The following CNIH3 variants were observed in gnomAD, a reference collection of about 807,000 sequenced individuals.
The protein encoded by CNIH3 is cornichon family AMPA receptor auxiliary protein 3.
Under a neutral mutation model 24.1 loss-of-function variants are expected in CNIH3, and 14 were observed. That is an observed-to-expected ratio of 0.58 (90% CI 0.38 to 0.91). The LOEUF (loss-of-function observed/expected upper bound fraction) is 0.91. Ranked by LOEUF, CNIH3 falls within the 40% of genes least tolerant of loss-of-function variation. The pLI, the probability that CNIH3 is intolerant of heterozygous loss-of-function variation, is 0.00. For synonymous variants in CNIH3, 68 were observed against 73.8 expected, an observed-to-expected ratio of 0.92 and a Z score of 0.40; for missense variants, 178 against 196.8, an observed-to-expected ratio of 0.90 and a Z score of 0.57.
chr1:224,636,015 A>T (rs900005375), intron 1 of CNIH3, among the ~76,000 whole-genome samples: 43 of 152,162 alleles, frequency 2.8e-4, no homozygotes, highest in African/African-American at 9.9e-4. Flanking sequence ...TTTTATATCA[A>T]AATACCAAGT....
At chr1:224,630,260 T>TGAG (rs1318354921) in intron 1 of CNIH3, among the ~76,000 whole-genome samples, 2 of 152,142 alleles carry the variant, frequency 1.3e-5, no homozygotes, top group African/African-American at 4.8e-5. Flanking sequence ...CATCTGTGGT[T>TGAG]GAGGAGGAGA....
intron 2 of CNIH3, among the ~76,000 whole-genome samples, chr1:224,544,714 G>A (rs1300299056): frequency 1.3e-5 from 2 of 152,166 alleles, no homozygotes; most frequent in Admixed American, 1.3e-4. Context: ...GACTGCCCAA[G>A]GAGGAACTCA....
intron 1 of CNIH3, among the ~76,000 whole-genome samples, chr1:224,642,353 C>T (rs1175743669): frequency 6.6e-6 from 1 of 152,172 alleles, no homozygotes; most frequent in African/African-American, 2.4e-5. Flanking sequence ...GCCTCAGCCT[C>T]CTGAAAGCTG....
intron 3 of CNIH3, among the ~76,000 whole-genome samples, chr1:224,696,916 T>C (rs1415497377): frequency 6.6e-6 from 1 of 152,166 alleles, no homozygotes; most frequent in Non-Finnish European, 1.5e-5. Flanking sequence ...TATATGATAG[T>C]TGCCTGGACA....
At chr1:224,665,649 C>T (rs1475434049) in intron 1 of CNIH3, among the ~76,000 whole-genome samples, 3 of 152,170 alleles carry the variant, frequency 2.0e-5, no homozygotes, top group African/African-American at 7.2e-5. Context: ...GCATTCTTTG[C>T]ATCTACTTAT....
chr1:224,648,413 GAAAAAA>G (rs565178820), intron 1 of CNIH3, among the ~76,000 whole-genome samples: 1 of 110,742 alleles, frequency 9.0e-6, no homozygotes. Flanking sequence ...TCTGTCTCAG[GAAAAAA>G]AAAAAAAAAA....
intron 1 of CNIH3, among the ~76,000 whole-genome samples, chr1:224,679,348 A>C (rs1401743111): frequency 6.6e-6 from 1 of 152,144 alleles, no homozygotes. Flanking sequence ...TCAAAACAAA[A>C]ACAAAAACAA....
At chr1:224,592,184 A>G (rs1006870456), downstream of CNIH3, among the ~76,000 whole-genome samples, 6 of 152,074 alleles carry the variant, frequency 3.9e-5, no homozygotes, top group Admixed American at 2.0e-4. Context: ...GTGTGCATAC[A>G]TATATGTGCA....
intron 1 of CNIH3, among the ~76,000 whole-genome samples, chr1:224,455,973 G>C (rs1293745131): frequency 1.3e-5 from 2 of 152,178 alleles, no homozygotes; most frequent in Non-Finnish European, 2.9e-5. Flanking sequence ...GGCACCACAG[G>C]TGTATCATTT....
intron 1 of CNIH3, among the ~76,000 whole-genome samples, chr1:224,646,622 T>TCTCCAATTCCTGGACTCA (rs1386495754): frequency 6.6e-6 from 1 of 152,076 alleles, no homozygotes; most frequent in Non-Finnish European, 1.5e-5. Context: ...CCCAAGCTGG[T>TCTCCAATTCCTGGACTCA]CTCCAATTCC....
At chr1:224,730,702 T>C (rs763476006) in intron 4 of CNIH3, 128 bp downstream of exon 4, 3 of 634,980 alleles carry the variant, frequency 4.7e-6, no homozygotes, top group Non-Finnish European at 5.7e-6. Flanking sequence ...TGGGTCTCTC[T>C]CTTTAAAGCC....
downstream of CNIH3, among the ~76,000 whole-genome samples, chr1:224,592,755 G>T (rs1243594220): frequency 6.6e-6 from 1 of 152,136 alleles, no homozygotes; most frequent in Non-Finnish European, 1.5e-5. Flanking sequence ...TGGGCATTTG[G>T]CATGCACCAG....
intron 1 of CNIH3, among the ~76,000 whole-genome samples, chr1:224,639,308 C>T (rs1684243591): frequency 6.6e-6 from 1 of 152,222 alleles, no homozygotes; most frequent in South Asian, 2.1e-4. Flanking sequence ...CCTCATGTCC[C>T]CCTCGTACTT....
chr1:224,651,641 T>C (rs1684863558), intron 1 of CNIH3, among the ~76,000 whole-genome samples: 1 of 152,260 alleles, frequency 6.6e-6, no homozygotes, highest in Admixed American at 6.5e-5. Context: ...CACTGAATAA[T>C]GGCTCATGGA....
At chr1:224,733,576 C>T (rs931465354) in intron 4 of CNIH3, among the ~76,000 whole-genome samples, 11 of 152,224 alleles carry the variant, frequency 7.2e-5, no homozygotes, top group African/African-American at 2.4e-4. Context: ...CTGCGAGTTG[C>T]TACATTGCAG....
At chr1:224,472,895 T>G (rs1048885490) in intron 1 of CNIH3, among the ~76,000 whole-genome samples, 1 of 152,224 alleles carries the variant, frequency 6.6e-6, no homozygotes. Context: ...GTATCTCAGA[T>G]GATTCTCATG....
intron 5 of CNIH3, 102 bp from the exon 6 acceptor site, chr1:224,739,227 C>G (rs1263934066): frequency 1.3e-6 from 2 of 1,528,522 alleles, no homozygotes; most frequent in Non-Finnish European, 1.7e-6. Context: ...AGGGGTCTGG[C>G]CTCTGGAAGG....
chr1:224,471,501 CAA>C (rs1047532485), intron 1 of CNIH3, among the ~76,000 whole-genome samples: 22 of 152,248 alleles, frequency 1.4e-4, no homozygotes, highest in South Asian at 1.0e-3. Context: ...TAAGAATACG[CAA>C]AGTTTGTCTT....
At chr1:224,440,563 G>T (rs897646587) in intron 1 of CNIH3, among the ~76,000 whole-genome samples, 5 of 152,162 alleles carry the variant, frequency 3.3e-5, no homozygotes, top group Admixed American at 2.6e-4. Flanking sequence ...TAATCACCAT[G>T]TACTGATATG....
Sources: allele counts gnomAD v4.1 joint callset (sites outside exome capture counted in the v4.1 genomes callset), GRCh38; gene constraint gnomAD v4.1.1; transcripts MANE v1.5; gene names NCBI Gene and HGNC (gene_info 2026-07-23, HGNC 2026-07-21).